MACROD2: variants seen among roughly 807,000 people sequenced by gnomAD.
The protein encoded by MACROD2 is ADP-ribose glycohydrolase MACROD2.
A neutral mutation model predicts 70.4 loss-of-function variants in MACROD2; 36 were observed. The observed-to-expected ratio is 0.51, with a 90% confidence interval of 0.39 to 0.68. MACROD2 has a LOEUF of 0.68. MACROD2 is among the 30% of genes least tolerant of loss of function. MACROD2 has a pLI of 0.00. For missense variants in MACROD2, 496 were observed against 538.4 expected, an observed-to-expected ratio of 0.92 and a Z score of 0.78; for synonymous variants, 172 against 178.8, an observed-to-expected ratio of 0.96 and a Z score of 0.30.
intron 5 of MACROD2, among the ~76,000 whole-genome samples, chr20:15,097,912 A>C (rs2075845870): frequency 6.6e-6 from 1 of 152,184 alleles, no homozygotes; most frequent in South Asian, 2.1e-4. Flanking sequence ...AAATTTATGA[A>C]AGCCTGAGTG....
At chr20:15,020,753 T>G (rs1159956411) in intron 5 of MACROD2, among the ~76,000 whole-genome samples, 1 of 152,020 alleles carries the variant, frequency 6.6e-6, no homozygotes, top group African/African-American at 2.4e-5. Flanking sequence ...TGTTAACGAT[T>G]TGTGTATCTA....
At position 15,590,999 on chromosome 20, in the gene MACROD2, C is replaced by G. The variant is rs139540337; in HGVS notation, c.645+91152C>G. Among the ~76,000 whole-genome samples, 32 of 151,056 alleles carry G rather than the reference C, an allele frequency of 2.1e-4. No homozygotes were observed. In the East Asian group the frequency reaches 5.4e-3, roughly 26 times the overall value. Reference sequence around the variant, plus strand: ...AGAAAGAAAAGAAGAGAGAGAGAGACAGAGAGAGAAAAAGAAAGAAAGAGA... The same window carrying G: ...AGAAAGAAAAGAAGAGAGAGAGAGAGAGAGAGAGAAAAAGAAAGAAAGAGA... On this transcript the variant is annotated intron_variant, in intron 8 of 17. Transcript: ENST00000684519.
At chr20:14,000,740 T>C (rs1164668738) in intron 1 of MACROD2, among the ~76,000 whole-genome samples, 1 of 152,222 alleles carries the variant, frequency 6.6e-6, no homozygotes, top group Admixed American at 6.5e-5. Context: ...ATTATTTGCA[T>C]GTTTTCCTGT....
intron 4 of MACROD2, among the ~76,000 whole-genome samples, chr20:14,572,414 G>A (rs1324820403): frequency 6.6e-6 from 1 of 151,980 alleles, no homozygotes; most frequent in African/African-American, 2.4e-5. Flanking sequence ...CCTATGAACA[G>A]CAGTGTTACT....
At chr20:15,529,410 C>G (rs1395534322) in intron 8 of MACROD2, among the ~76,000 whole-genome samples, 1 of 151,714 alleles carries the variant, frequency 6.6e-6, no homozygotes, top group African/African-American at 2.4e-5. Flanking sequence ...TACATTGAAC[C>G]TATACTATAT....
intron 6 of MACROD2, among the ~76,000 whole-genome samples, chr20:15,368,861 G>C (rs1223009124): frequency 6.6e-6 from 1 of 152,136 alleles, no homozygotes; most frequent in African/African-American, 2.4e-5. Flanking sequence ...ATTTAACGTG[G>C]GTTCATTAGT....
chr20:14,771,621 T>A (rs1360979565), intron 5 of MACROD2, among the ~76,000 whole-genome samples: 1 of 150,976 alleles, frequency 6.6e-6, no homozygotes, highest in Non-Finnish European at 1.5e-5. Context: ...ATATTTCTTT[T>A]CTTTGTAATA....
At chr20:14,234,733 A>C (rs886943151) in intron 3 of MACROD2, among the ~76,000 whole-genome samples, 3 of 152,170 alleles carry the variant, frequency 2.0e-5, no homozygotes, top group Non-Finnish European at 4.4e-5. Flanking sequence ...ACAGACACAC[A>C]CATGCATACA....
At chr20:15,632,346 G>A (rs976861349) in intron 8 of MACROD2, among the ~76,000 whole-genome samples, 1 of 152,138 alleles carries the variant, frequency 6.6e-6, no homozygotes, top group African/African-American at 2.4e-5. Context: ...CATATGCTAT[G>A]CTTTAGTAAT....
At chr20:14,124,343 A>G (rs1413453342) in intron 3 of MACROD2, among the ~76,000 whole-genome samples, 1 of 152,178 alleles carries the variant, frequency 6.6e-6, no homozygotes, top group Admixed American at 6.5e-5. Context: ...CTACTTACCC[A>G]TTAAGACCAG....
At chr20:14,948,209 A>T (rs778435522) in intron 5 of MACROD2, among the ~76,000 whole-genome samples, 20 of 152,012 alleles carry the variant, frequency 1.3e-4, no homozygotes, top group Non-Finnish European at 1.0e-4. Context: ...TCTTCCCTGG[A>T]TTTTGTCAGA....
At chr20:14,030,361 T>G (rs767229099) in intron 2 of MACROD2, among the ~76,000 whole-genome samples, 1 of 152,178 alleles carries the variant, frequency 6.6e-6, no homozygotes, top group Non-Finnish European at 1.5e-5. Context: ...TTTTTGATTC[T>G]TTCAGGGTTT....
chr20:15,824,744 G>A (rs2063978363), intron 8 of MACROD2, among the ~76,000 whole-genome samples: 1 of 152,186 alleles, frequency 6.6e-6, no homozygotes, highest in South Asian at 2.1e-4. Flanking sequence ...ACTGTCCATG[G>A]AAATATCCCT....
chr20:15,200,086 G>T (rs1036973877), intron 5 of MACROD2, among the ~76,000 whole-genome samples: 1 of 152,074 alleles, frequency 6.6e-6, no homozygotes, highest in Non-Finnish European at 1.5e-5. Context: ...TCAAGAACCT[G>T]CCTCCAAATT....
Position 14,856,902 on chromosome 20 carries a change from A to T in MACROD2, c.418+171943A>T, listed in dbSNP as rs78180643. Reference sequence around the variant, plus strand: ...ATATACAGTCCTTTCACATATTTCCATCATCTCATTTTGGTCTTCACAATA... The same window carrying T: ...ATATACAGTCCTTTCACATATTTCCTTCATCTCATTTTGGTCTTCACAATA... On this transcript the variant is annotated intron_variant, in intron 5 of 17. Transcript: ENST00000684519. Among the ~76,000 whole-genome samples, 1,090 of 152,240 alleles carry T rather than the reference A, an allele frequency of 7.2e-3. 53 individuals are homozygous for T. In the East Asian group the frequency reaches 0.11, roughly 16 times the overall value.
chr20:14,693,620 T>G (rs1309444218), intron 5 of MACROD2, among the ~76,000 whole-genome samples: 2 of 152,222 alleles, frequency 1.3e-5, no homozygotes, highest in Admixed American at 6.5e-5. Flanking sequence ...TAGGCCATGT[T>G]ATGACTTGAT....
chr20:15,513,298 G>T (rs1699727518), intron 8 of MACROD2, among the ~76,000 whole-genome samples: 1 of 152,192 alleles, frequency 6.6e-6, no homozygotes, highest in Admixed American at 6.5e-5. Flanking sequence ...TGTTTTCTAA[G>T]TACAGCTGGG....
intron 3 of MACROD2, among the ~76,000 whole-genome samples, chr20:14,242,924 C>A (rs117210659): frequency 0.017 from 2,601 of 152,278 alleles, 25 homozygotes; most frequent in Middle Eastern, 0.082. Flanking sequence ...TAAACAGATA[C>A]TATCACGTAA....
At chr20:14,945,890 T>C (rs1439238647) in intron 5 of MACROD2, among the ~76,000 whole-genome samples, 1 of 152,180 alleles carries the variant, frequency 6.6e-6, no homozygotes, top group Non-Finnish European at 1.5e-5. Context: ...GTTGATGAAA[T>C]TTATCTGCAT....
Sources: allele counts gnomAD v4.1 joint callset (sites outside exome capture counted in the v4.1 genomes callset), GRCh38; gene constraint gnomAD v4.1.1; transcripts MANE v1.5; gene names NCBI Gene and HGNC (gene_info 2026-07-23, HGNC 2026-07-21).